NELL2: variants seen among roughly 807,000 people sequenced by gnomAD.
NELL2 encodes the protein protein kinase C-binding protein NELL2.
A neutral mutation model predicts 109.6 loss-of-function variants in NELL2; 41 were observed. The ratio of observed to expected loss-of-function variants is 0.37; its 90% CI spans 0.29 to 0.49. NELL2 has a LOEUF of 0.49. NELL2 is among the 20% of genes least tolerant of loss of function. The pLI is 0.98. For missense variants in NELL2, 900 were observed against 1,008.3 expected (o/e 0.89, Z 1.45); for synonymous variants, 355 against 344.7 (o/e 1.03, Z -0.33).
intron 5 of NELL2, among the ~76,000 whole-genome samples, chr12:44,778,435 G>A (rs911857564): frequency 2.6e-5 from 4 of 152,102 alleles, no homozygotes; most frequent in Admixed American, 2.0e-4. Context: ...ATCGTGTACG[G>A]TTATATAGTT....
At chr12:44,610,615 T>G (rs1258731885) in intron 14 of NELL2, among the ~76,000 whole-genome samples, 1 of 151,992 alleles carries the variant, frequency 6.6e-6, no homozygotes, top group African/African-American at 2.4e-5. Context: ...CCACTGTGGC[T>G]AAGGTCAAGG....
Position 44,777,055 on chromosome 12 carries a change from T to C in NELL2, c.749A>G (p.Lys250Arg). The C allele has an allele frequency of 6.2e-7, 1 of 1,614,026 alleles. No individual in the cohort carries two copies. The highest frequency in any genetic ancestry group is 8.5e-7 in the Non-Finnish European group (1 of 1,179,906). The stretch of plus-strand genomic sequence containing the variant: ...AGTAGCTTTTACCTTGGCTGATGTT[T>C]TGGCTAAAATATCCTGTAGCTCCAT... Reference protein sequence around the residue: ...KIMELQDILAKTSAKLSRAEQ... With the variant: ...KIMELQDILARTSAKLSRAEQ... The change falls in exon 7 of 20, where the codon AAA (lysine) becomes AGA (arginine). Residue 250 changes from lysine to arginine, a missense_variant. By Grantham distance (26) the Lys-to-Arg change is conservative. Around this residue, in one of 4 missense-constraint regions of NELL2, gnomAD observed 75 missense variants for 118.9 expected, o/e 0.63. Transcript: ENST00000429094.
At chr12:44,833,435 CTG>C (rs1182140976) in intron 2 of NELL2, among the ~76,000 whole-genome samples, 1 of 152,128 alleles carries the variant, frequency 6.6e-6, no homozygotes, top group Non-Finnish European at 1.5e-5. Flanking sequence ...ATAGTTTTCT[CTG>C]TTTCTTGCCT....
At chr12:44,882,678 C>T (rs557627491) in intron 1 of NELL2, among the ~76,000 whole-genome samples, 1 of 151,276 alleles carries the variant, frequency 6.6e-6, no homozygotes, top group Non-Finnish European at 1.5e-5. Flanking sequence ...CAGGCAGGCA[C>T]CACCAGGCCT....
rs562207587 is a variant in NELL2 at position 44,530,410 on chromosome 12, C to T, written c.1804+2171G>A. The stretch of plus-strand genomic sequence containing the variant: ...TGTTAATTGGAAAGTTGGAAGGGAA[C>T]GTAACTAAAGAAATGAAGTAGGAAT... On this transcript the variant is annotated intron_variant, in intron 16 of 19. Transcript: ENST00000429094. Among the ~76,000 whole-genome samples, 32 of 152,208 alleles carry T rather than the reference C, an allele frequency of 2.1e-4. No individual in the cohort carries two copies. In the South Asian group the frequency reaches 2.5e-3, roughly 12 times the overall value.
In NELL2 at chr12:44,508,529, A is replaced by G. The variant is rs1940830379; in HGVS notation, c.*405T>C. On this transcript the variant is annotated 3_prime_UTR_variant, in exon 20 of 20. Transcript: ENST00000429094. ...TTACTTCTGAAAATATAATTCATTC[A>G]CTGCCTGACATTTTATTTCTTGCAG... 1.9e-5 allele frequency: 3 copies of G among 162,146 alleles called. No individual in the cohort carries two copies. The Admixed American group carries it at 1.9e-4, about 10-fold the overall frequency. The allele number at this position is 162,146 out of a possible 1,614,324, so 10.0% of individuals were successfully genotyped here.
chr12:44,694,089 AC>A (rs1948980783), intron 12 of NELL2, among the ~76,000 whole-genome samples: 1 of 152,160 alleles, frequency 6.6e-6, no homozygotes, highest in African/African-American at 2.4e-5. Context: ...TGACAACTTG[AC>A]TAGGCCAGGT....
chr12:44,787,914 T>C (rs1942240224), intron 3 of NELL2, among the ~76,000 whole-genome samples: 1 of 152,060 alleles, frequency 6.6e-6, no homozygotes, highest in Non-Finnish European at 1.5e-5. Flanking sequence ...GTTCTTAGAG[T>C]TGACACCAAA....
intron 3 of NELL2, among the ~76,000 whole-genome samples, chr12:44,798,436 T>C (rs547866766): frequency 4.2e-4 from 64 of 152,006 alleles, no homozygotes; most frequent in Non-Finnish European, 6.9e-4. Context: ...TTTCAAATAA[T>C]GGCAATTAAA....
chr12:44,543,569 T>G (rs973580767), intron 15 of NELL2, among the ~76,000 whole-genome samples: 2 of 152,206 alleles, frequency 1.3e-5, no homozygotes, highest in African/African-American at 4.8e-5. Flanking sequence ...TATGCTGTTA[T>G]CAACAACTTT....
intron 15 of NELL2, among the ~76,000 whole-genome samples, chr12:44,548,044 T>C (rs549128685): frequency 4.6e-5 from 7 of 152,286 alleles, no homozygotes; most frequent in Non-Finnish European, 1.0e-4. Context: ...AATCTCACAT[T>C]ATTCATCTTC....
chr12:44,819,374 C>T (rs1943466738), intron 2 of NELL2, among the ~76,000 whole-genome samples: 1 of 152,210 alleles, frequency 6.6e-6, no homozygotes, highest in Admixed American at 6.5e-5. Flanking sequence ...ATATTTTAAA[C>T]ATCCATCATA....
intron 2 of NELL2, among the ~76,000 whole-genome samples, chr12:44,849,658 ATAAAAG>A (rs1944474207): frequency 1.3e-5 from 2 of 152,218 alleles, no homozygotes; most frequent in African/African-American, 4.8e-5. Context: ...TCCAAAAGGA[ATAAAAG>A]TAAATGTCCA....
chr12:44,775,988 G>A, intron 8 of NELL2, 34 bp downstream of exon 8: 1 of 1,597,962 alleles, frequency 6.3e-7, no homozygotes, highest in Non-Finnish European at 8.5e-7. Context: ...GAGCATCTGA[G>A]TTCCCTTAGT....
chr12:44,906,742 C>G (rs554003040), intron 1 of NELL2, among the ~76,000 whole-genome samples: 3 of 151,948 alleles, frequency 2.0e-5, no homozygotes, highest in Non-Finnish European at 4.4e-5. Context: ...AAGGTAAGTC[C>G]GGGACATATT....
At chr12:44,793,152 T>C (rs1028070083) in intron 3 of NELL2, among the ~76,000 whole-genome samples, 1 of 152,140 alleles carries the variant, frequency 6.6e-6, no homozygotes, top group Non-Finnish European at 1.5e-5. Flanking sequence ...TGTCCGTACA[T>C]ATATAACATA....
At chr12:44,752,187 A>C (rs2136528809) in intron 9 of NELL2, among the ~76,000 whole-genome samples, 1 of 152,360 alleles carries the variant, frequency 6.6e-6, no homozygotes, top group East Asian at 1.9e-4. Flanking sequence ...CAAATTATAA[A>C]GTTAGCAGAG....
rs373966289 is a variant in NELL2, at chr12:44,522,079, T to C, written c.2096A>G (p.Gln699Arg). 2 of 1,614,060 alleles carry C rather than the reference T, an allele frequency of 1.2e-6. No individual in the cohort carries two copies. The highest frequency in any genetic ancestry group is 1.3e-5 in the African/African-American group (1 of 74,918). Residue 699 changes from glutamine (Q) to arginine (R), a missense_variant, in exon 18 of 20, where the codon CAG becomes CGG. Physicochemically the swap from Gln to Arg is conservative, Grantham distance 43. Transcript: ENST00000429094. ...AGTTTCCCCATTTTGATGGAGGCAC[T>C]GACTACTAAGCCTTGGGTCACATTC... ...CPECDPRLSS[Q>R]CLHQNGETLY...
intron 9 of NELL2, among the ~76,000 whole-genome samples, chr12:44,746,286 C>T (rs1345597847): frequency 2.0e-5 from 3 of 152,260 alleles, no homozygotes; most frequent in African/African-American, 4.8e-5. Context: ...ATACCTTATA[C>T]AAAAATTAAC....
Sources: gnomAD v4.1 joint callset for allele counts (sites outside exome capture counted in the v4.1 genomes callset) on GRCh38, gnomAD v4.1.1 for gene constraint, gnomAD v4.1.1 regional missense constraint, MANE v1.5 for transcripts, NCBI Gene and HGNC (gene_info 2026-07-23, HGNC 2026-07-21) for gene names.